Variants in KCNIP4 observed in about 807,000 individuals in gnomAD.
KCNIP4 encodes the protein Kv channel-interacting protein 4.
In KCNIP4, 12 loss-of-function variants were observed where a neutral mutation model predicts 34.0. That is an observed-to-expected ratio of 0.35 (90% confidence interval 0.23 to 0.57). KCNIP4 has a LOEUF of 0.57. Among genes scored for constraint, KCNIP4 ranks in the 20% least tolerant of loss-of-function variants. The pLI is 0.83. For synonymous variants in KCNIP4, 124 were observed against 102.2 expected (o/e 1.21, Z -1.29); for missense variants, 238 against 311.7 (o/e 0.76, Z 1.78).
intron 1 of KCNIP4, among the ~76,000 whole-genome samples, chr4:21,694,782 CTA>C (rs1214900658): frequency 1.3e-5 from 2 of 151,830 alleles, no homozygotes; most frequent in East Asian, 1.9e-4. Flanking sequence ...TTCCAATATT[CTA>C]TGTTTGTATA....
chr4:20,870,332 A>G (rs145432215), intron 2 of KCNIP4, among the ~76,000 whole-genome samples: 1 of 151,614 alleles, frequency 6.6e-6, no homozygotes, highest in East Asian at 2.0e-4. Context: ...TGTCTCTCCC[A>G]CTCCACCATG....
intron 2 of KCNIP4, among the ~76,000 whole-genome samples, chr4:20,873,392 T>G (rs1051080544): frequency 1.3e-5 from 2 of 152,220 alleles, no homozygotes; most frequent in African/African-American, 4.8e-5. Context: ...TGTTAGCTAT[T>G]GATACTGTCT....
At chr4:21,462,799 G>A (rs996979090) in intron 1 of KCNIP4, among the ~76,000 whole-genome samples, 40 of 149,560 alleles carry the variant, frequency 2.7e-4, no homozygotes, top group African/African-American at 9.5e-4. Flanking sequence ...GTGTGTGTGT[G>A]TGTGTGTATG....
chr4:21,192,816 G>A (rs1169337560), intron 1 of KCNIP4, among the ~76,000 whole-genome samples: 1 of 151,870 alleles, frequency 6.6e-6, no homozygotes, highest in Non-Finnish European at 1.5e-5. Context: ...AGCACTTTGG[G>A]AGGCTGAGGC....
intron 1 of KCNIP4, among the ~76,000 whole-genome samples, chr4:21,344,354 G>A (rs958417934): frequency 6.6e-6 from 1 of 152,138 alleles, no homozygotes; most frequent in Admixed American, 6.6e-5. Context: ...TTCAGAGGAT[G>A]AGGAGTGAAA....
chr4:21,601,714 T>G (rs1033669957), intron 1 of KCNIP4, among the ~76,000 whole-genome samples: 4 of 151,972 alleles, frequency 2.6e-5, no homozygotes, highest in African/African-American at 9.7e-5. Flanking sequence ...CTCCCACTCT[T>G]TCAAATCACT....
chr4:20,981,300 A>G (rs1736039558), intron 1 of KCNIP4, among the ~76,000 whole-genome samples: 1 of 152,198 alleles, frequency 6.6e-6, no homozygotes, highest in South Asian at 2.1e-4. Context: ...TAGCTCATTT[A>G]TATCCCATGC....
intron 1 of KCNIP4, chr4:20,984,059 C>A: frequency 7.2e-7 from 1 of 1,391,154 alleles, no homozygotes; most frequent in Non-Finnish European, 9.5e-7. Context: ...GGCAGATGCA[C>A]CCTGCAAAGC....
At chr4:20,755,990 G>A (rs1458042282) in intron 4 of KCNIP4, among the ~76,000 whole-genome samples, 1 of 152,088 alleles carries the variant, frequency 6.6e-6, no homozygotes, top group Admixed American at 6.5e-5. Context: ...ATGTTCTATG[G>A]AATGGTATGG....
At chr4:21,045,816 T>A (rs1295313214) in intron 1 of KCNIP4, among the ~76,000 whole-genome samples, 1 of 152,226 alleles carries the variant, frequency 6.6e-6, no homozygotes, top group African/African-American at 2.4e-5. Flanking sequence ...ACCAGCCATT[T>A]ATTAAGTACT....
chr4:21,728,744 G>A (rs1261980471), intron 1 of KCNIP4, among the ~76,000 whole-genome samples: 2 of 152,074 alleles, frequency 1.3e-5, no homozygotes, highest in Non-Finnish European at 2.9e-5. Context: ...GCCTTCCTCA[G>A]GAGTTTGCCT....
intron 1 of KCNIP4, among the ~76,000 whole-genome samples, chr4:20,942,427 T>G (rs1212701715): frequency 1.3e-5 from 2 of 152,178 alleles, no homozygotes; most frequent in Non-Finnish European, 2.9e-5. Context: ...TCTCCAAGGA[T>G]GCAGAGGCAG....
intron 1 of KCNIP4, among the ~76,000 whole-genome samples, chr4:20,946,363 G>C (rs1732190308): frequency 6.6e-6 from 1 of 152,176 alleles, no homozygotes; most frequent in Non-Finnish European, 1.5e-5. Context: ...TCCGAGGTGA[G>C]AATGAGCTGG....
chr4:21,124,719 G>A (rs1039813189), intron 1 of KCNIP4, among the ~76,000 whole-genome samples: 3 of 152,080 alleles, frequency 2.0e-5, no homozygotes, highest in African/African-American at 7.2e-5. Context: ...AAAAGTCCAG[G>A]GCTAGTCTAT....
chr4:21,711,250 G>C (rs749270510), intron 1 of KCNIP4, among the ~76,000 whole-genome samples: 4 of 152,206 alleles, frequency 2.6e-5, no homozygotes, highest in South Asian at 2.1e-4. Context: ...CAGGTAGGCA[G>C]ATCATGAGGT....
At chr4:21,618,922 C>T (rs1355594622) in intron 1 of KCNIP4, among the ~76,000 whole-genome samples, 2 of 151,940 alleles carry the variant, frequency 1.3e-5, no homozygotes, top group African/African-American at 4.8e-5. Context: ...CATGAGCCAC[C>T]GTGCCCGGCC....
intron 1 of KCNIP4, among the ~76,000 whole-genome samples, chr4:21,301,998 C>T (rs1181439477): frequency 2.6e-5 from 4 of 152,160 alleles, no homozygotes; most frequent in African/African-American, 4.8e-5. Context: ...TAATTACTTC[C>T]TAACAATCAC....
At chr4:21,586,474 T>C (rs1741624983) in intron 1 of KCNIP4, among the ~76,000 whole-genome samples, 2 of 151,958 alleles carry the variant, frequency 1.3e-5, no homozygotes, top group Non-Finnish European at 2.9e-5. Context: ...GGATGGGTGT[T>C]AGGCGTGTGG....
At chr4:21,460,789 G>A (rs954726237) in intron 1 of KCNIP4, among the ~76,000 whole-genome samples, 6 of 151,984 alleles carry the variant, frequency 3.9e-5, no homozygotes, top group Admixed American at 6.6e-5. Context: ...TGCATCTCCT[G>A]GGGGAGGTCT....
Sources: gnomAD v4.1 joint callset for allele counts (sites outside exome capture counted in the v4.1 genomes callset) on GRCh38, gnomAD v4.1.1 for gene constraint, MANE v1.5 for transcripts, NCBI Gene and HGNC (gene_info 2026-07-23, HGNC 2026-07-21) for gene names.